Variants in POU6F2 observed in about 807,000 individuals in gnomAD.
The protein encoded by POU6F2 is POU class 6 homeobox 2.
A neutral mutation model predicts 71.3 loss-of-function variants in POU6F2; 31 were observed. The ratio of observed to expected loss-of-function variants is 0.43; its 90% CI spans 0.33 to 0.59. The LOEUF (loss-of-function observed/expected upper bound fraction) is 0.59, where lower values mean the gene tolerates loss of function less well. Ranked by LOEUF, POU6F2 falls within the 20% of genes least tolerant of loss-of-function variation. POU6F2 has a pLI of 0.04. For synonymous variants in POU6F2, 347 were observed against 355.7 expected, an observed-to-expected ratio of 0.98 and a Z score of 0.27; for missense variants, 783 against 856.8, an observed-to-expected ratio of 0.91 and a Z score of 1.07.
intron 1 of POU6F2, among the ~76,000 whole-genome samples, chr7:39,027,779 A>G (rs1032540803): frequency 6.6e-6 from 1 of 152,190 alleles, no homozygotes; most frequent in African/African-American, 2.4e-5. Flanking sequence ...CAGTTCTCTG[A>G]AATATTCTGC....
intron 6 of POU6F2, among the ~76,000 whole-genome samples, chr7:39,430,379 T>C (rs1788071517): frequency 6.6e-6 from 1 of 152,220 alleles, no homozygotes; most frequent in Non-Finnish European, 1.5e-5. Flanking sequence ...AGTCAGGTCA[T>C]TACAGATTCC....
At chr7:39,329,385 T>C (rs1027485872) in intron 4 of POU6F2, among the ~76,000 whole-genome samples, 5 of 151,946 alleles carry the variant, frequency 3.3e-5, no homozygotes, top group Non-Finnish European at 4.4e-5. Flanking sequence ...ATAGCTTGCC[T>C]CTCTGAGGGC....
intron 7 of POU6F2, among the ~76,000 whole-genome samples, chr7:39,438,841 G>A (rs6966246): frequency 0.34 from 51,175 of 152,016 alleles, 9,622 homozygotes; most frequent in East Asian, 0.58. Context: ...CTGTTGATTT[G>A]GGGTGGAGAG....
At chr7:39,417,641 GA>G (rs578057821) in intron 6 of POU6F2, among the ~76,000 whole-genome samples, 1 of 151,740 alleles carries the variant, frequency 6.6e-6, no homozygotes, top group Non-Finnish European at 1.5e-5. Context: ...ACACAAACAG[GA>G]AAAAAAATGT....
intron 1 of POU6F2, among the ~76,000 whole-genome samples, chr7:39,070,744 C>T (rs144659210): frequency 2.6e-5 from 4 of 152,162 alleles, no homozygotes; most frequent in South Asian, 2.1e-4. Flanking sequence ...CCTCTCTGAT[C>T]GCCTTATGTA....
Position 39,133,494 on chromosome 7 carries a change from G to T in POU6F2, c.277+47463G>T, listed in dbSNP as rs77660865. Among the ~76,000 whole-genome samples the T allele has an allele frequency of 3.9e-3, 587 of 152,288 alleles. 1 individual carries two copies. The highest frequency in any genetic ancestry group is 0.013 in the African/African-American group (559 of 41,556). On this transcript the variant is annotated intron_variant, in intron 2 of 9. Transcript: ENST00000518318. The stretch of plus-strand genomic sequence containing the variant: ...TTTACTAGGTTTCAAAATGATTATG[G>T]GTTCGTTGGTGAATGTACTCAAGAA...
At position 38,997,778 on chromosome 7, in the gene POU6F2, G is replaced by C. The variant is rs565054992; in HGVS notation, c.105+19720G>C. ...CCCAGCTGTTATGGACTGATGGCACGTATGGGTATATGTAAACAAATGTGA... is the reference window on the plus strand; with the variant it reads ...CCCAGCTGTTATGGACTGATGGCACCTATGGGTATATGTAAACAAATGTGA... On this transcript the variant is annotated intron_variant, in intron 1 of 9. Transcript: ENST00000518318. 3.3e-5 allele frequency among the ~76,000 whole-genome samples: 5 copies of C among 152,320 alleles called. No individual in the cohort carries two copies. In the East Asian group the frequency reaches 7.7e-4, roughly 24 times the overall value.
chr7:39,302,181 A>T (rs1784959545), intron 4 of POU6F2, among the ~76,000 whole-genome samples: 1 of 152,226 alleles, frequency 6.6e-6, no homozygotes, highest in South Asian at 2.1e-4. Flanking sequence ...ATGCAAATTC[A>T]AAAGTTATGA....
At chr7:39,162,603 A>G (rs1310287972) in intron 2 of POU6F2, among the ~76,000 whole-genome samples, 6 of 152,184 alleles carry the variant, frequency 3.9e-5, no homozygotes, top group South Asian at 2.1e-4. Context: ...CAATGGAGCC[A>G]TATTCCCCAA....
At chr7:39,344,793 T>C (rs1785995771) in intron 5 of POU6F2, among the ~76,000 whole-genome samples, 1 of 152,224 alleles carries the variant, frequency 6.6e-6, no homozygotes, top group African/African-American at 2.4e-5. Flanking sequence ...TGGAGTTTTA[T>C]GTTACAAACC....
intron 4 of POU6F2, among the ~76,000 whole-genome samples, chr7:39,262,736 TTTG>T (rs112619101): frequency 9.9e-5 from 15 of 151,564 alleles, no homozygotes; most frequent in Admixed American, 2.6e-4. Context: ...ATAGTTGTAG[TTTG>T]TTGTTGTTGT....
At chr7:39,445,223 T>C (rs1026939766) in intron 7 of POU6F2, among the ~76,000 whole-genome samples, 1 of 152,140 alleles carries the variant, frequency 6.6e-6, no homozygotes, top group Non-Finnish European at 1.5e-5. Context: ...GAATCACTGA[T>C]TCTCAATTTT....
chr7:39,331,774 G>A (rs1785658205), intron 4 of POU6F2, among the ~76,000 whole-genome samples: 1 of 152,220 alleles, frequency 6.6e-6, no homozygotes, highest in African/African-American at 2.4e-5. Flanking sequence ...GCCTCCCAGA[G>A]TGTTGGGATT....
chr7:39,193,767 A>G (rs529976577), intron 2 of POU6F2, among the ~76,000 whole-genome samples: 81 of 152,368 alleles, frequency 5.3e-4, no homozygotes, highest in African/African-American at 1.9e-3. Flanking sequence ...TAAAGACGTG[A>G]TCCTGCCATC....
chr7:39,116,196 G>A (rs1362669838), intron 2 of POU6F2, among the ~76,000 whole-genome samples: 1 of 152,090 alleles, frequency 6.6e-6, no homozygotes, highest in Non-Finnish European at 1.5e-5. Flanking sequence ...ACCACCCTAG[G>A]CAACATAGTG....
rs567415327 is a variant in POU6F2 at position 39,031,796 on chromosome 7, T to C, written c.105+53738T>C. 2.6e-5 allele frequency among the ~76,000 whole-genome samples: 4 copies of C among 151,894 alleles called. No homozygotes were observed. The South Asian group carries it at 6.3e-4, about 24-fold the overall frequency. ...CTTGGGAGGCTGAGGTGGGAGGATA[T>C]CATGAACCCGGGAGGTGGAGGCTGC... On this transcript the variant is annotated intron_variant, in intron 1 of 9. Transcript: ENST00000518318.
At position 39,179,035 on chromosome 7, in the gene POU6F2, C is replaced by T. The variant is rs58002689; in HGVS notation, c.278-25200C>T. ...TTCTGCTCTGGAGCTCTTCTGGAAG[C>T]CTGTGTTTCAAGGATGCTGGCCTCC... On this transcript the variant is annotated intron_variant, in intron 2 of 9. Coordinates refer to ENST00000518318, the MANE Select transcript of POU6F2 (RefSeq NM_001370959.1). 7.1e-3 allele frequency among the ~76,000 whole-genome samples: 1,076 copies of T among 152,190 alleles called. 9 individuals carry two copies. Among genetic ancestry groups the T allele is most frequent in the African/African-American group, 0.025 (1,032 of 41,508 alleles).
chr7:39,062,011 T>A (rs556463610), intron 1 of POU6F2, among the ~76,000 whole-genome samples: 5 of 152,314 alleles, frequency 3.3e-5, no homozygotes, highest in African/African-American at 1.2e-4. Context: ...AATTTAAAAA[T>A]TTTTTATAAA....
intron 1 of POU6F2, among the ~76,000 whole-genome samples, chr7:39,058,160 A>G (rs530974336): frequency 9.2e-5 from 14 of 152,304 alleles, no homozygotes; most frequent in African/African-American, 3.4e-4. Flanking sequence ...ACTATCTGAA[A>G]GCAGCATATT....
Sources: gnomAD v4.1 joint callset for allele counts (sites outside exome capture counted in the v4.1 genomes callset) on GRCh38, gnomAD v4.1.1 for gene constraint, MANE v1.5 for transcripts, NCBI Gene and HGNC (gene_info 2026-07-23, HGNC 2026-07-21) for gene names.